CNTN4: variants seen among roughly 807,000 people sequenced by gnomAD.
The protein encoded by CNTN4 is contactin 4.
CNTN4 carries 77 observed loss-of-function variants against 122.5 expected under a neutral mutation model. The ratio of observed to expected loss-of-function variants is 0.63; its 90% CI spans 0.52 to 0.76. The LOEUF (loss-of-function observed/expected upper bound fraction) is 0.76, where lower values mean the gene tolerates loss of function less well. Ranked by LOEUF, CNTN4 falls within the 30% of genes least tolerant of loss-of-function variation. The pLI is 0.00. For missense variants in CNTN4, 1,256 were observed against 1,259.1 expected (o/e 1.00, Z 0.04); for synonymous variants, 512 against 447.0 (o/e 1.15, Z -1.83).
intron 2 of CNTN4, among the ~76,000 whole-genome samples, chr3:2,267,814 A>C (rs2041112870): frequency 6.6e-6 from 1 of 152,104 alleles, no homozygotes; most frequent in African/African-American, 2.4e-5. Context: ...ACCAAGAGTC[A>C]CAGGGAACTT....
intron 2 of CNTN4, among the ~76,000 whole-genome samples, chr3:2,126,059 C>T (rs1412206683): frequency 6.6e-6 from 1 of 152,116 alleles, no homozygotes; most frequent in Non-Finnish European, 1.5e-5. Context: ...GTCTTCATTG[C>T]AAGCATCCAT....
intron 6 of CNTN4, among the ~76,000 whole-genome samples, chr3:2,763,897 G>A (rs1262310922): frequency 6.6e-6 from 1 of 151,332 alleles, no homozygotes; most frequent in Non-Finnish European, 1.5e-5. Flanking sequence ...CTATAGTATA[G>A]TTTGAAGTTG....
chr3:2,730,681 T>C (rs1208565996), intron 4 of CNTN4, among the ~76,000 whole-genome samples: 1 of 152,200 alleles, frequency 6.6e-6, no homozygotes, highest in East Asian at 1.9e-4. Flanking sequence ...GACCTTTCCC[T>C]TGGAATCCAG....
At chr3:2,834,296 G>A in intron 7 of CNTN4, among the ~76,000 whole-genome samples, 1 of 152,168 alleles carries the variant, frequency 6.6e-6, no homozygotes, top group Middle Eastern at 3.2e-3. Flanking sequence ...CAGGCATAGT[G>A]GCTCACGCCT....
intron 5 of CNTN4, among the ~76,000 whole-genome samples, chr3:2,738,467 G>A (rs958669015): frequency 2.6e-5 from 4 of 152,090 alleles, no homozygotes; most frequent in African/African-American, 9.7e-5. Flanking sequence ...CTCACTAAAG[G>A]AAATTTTAAA....
intron 4 of CNTN4, among the ~76,000 whole-genome samples, chr3:2,670,617 C>T (rs902406705): frequency 7.2e-5 from 11 of 151,990 alleles, no homozygotes; most frequent in Non-Finnish European, 7.4e-5. Context: ...TTGTTATGTG[C>T]GAATTTGATC....
intron 2 of CNTN4, among the ~76,000 whole-genome samples, chr3:2,138,109 C>G (rs2125317848): frequency 6.7e-6 from 1 of 148,590 alleles, no homozygotes; most frequent in African/African-American, 2.5e-5. Context: ...CTCTGTTGCT[C>G]AGGCTGAAGT....
chr3:2,760,808 G>GT (rs1205702604), intron 6 of CNTN4, among the ~76,000 whole-genome samples: 1 of 152,090 alleles, frequency 6.6e-6, no homozygotes, highest in African/African-American at 2.4e-5. Flanking sequence ...CTAATCCACT[G>GT]TTTCCCCAAA....
At chr3:2,611,618 C>G (rs2600304) in intron 4 of CNTN4, among the ~76,000 whole-genome samples, 103,981 of 152,000 alleles carry the variant, frequency 0.68, 36,351 homozygotes, top group African/African-American at 0.74. Flanking sequence ...GGGTTACCTG[C>G]TGTCCACCTA....
At position 2,174,292 on chromosome 3, in the gene CNTN4, TC is replaced by T. The variant is rs368148889; in HGVS notation, c.-145+73654del. ...AGGTGTATAAGAAAACTAAGCCATT[TC>T]TTTTCTTATAAATATGCATACATGT... is the stretch of plus-strand genomic sequence containing the variant. On this transcript the variant is annotated intron_variant, in intron 2 of 24. Coordinates refer to ENST00000418658, the MANE Select transcript of CNTN4 (RefSeq NM_175607.3). 2.8e-3 allele frequency among the ~76,000 whole-genome samples: 428 copies of T among 152,304 alleles called. 1 individual carries two copies. The highest frequency in any genetic ancestry group is 9.9e-3 in the African/African-American group (410 of 41,570).
chr3:2,582,425 T>C (rs1005250161), intron 4 of CNTN4, among the ~76,000 whole-genome samples: 2 of 152,102 alleles, frequency 1.3e-5, no homozygotes, highest in African/African-American at 2.4e-5. Flanking sequence ...ACTCCTCCGT[T>C]ATGGAGCTTC....
intron 3 of CNTN4, among the ~76,000 whole-genome samples, chr3:2,383,335 T>G (rs1354967629): frequency 6.6e-6 from 1 of 152,046 alleles, no homozygotes; most frequent in Non-Finnish European, 1.5e-5. Flanking sequence ...CCATTTATAG[T>G]GATGATGATG....
chr3:2,373,951 CT>C (rs1229432196), intron 3 of CNTN4, among the ~76,000 whole-genome samples: 1 of 152,112 alleles, frequency 6.6e-6, no homozygotes, highest in Non-Finnish European at 1.5e-5. Flanking sequence ...CAAAAATCAT[CT>C]TTTTTGGGGG....
intron 2 of CNTN4, among the ~76,000 whole-genome samples, chr3:2,277,500 T>G (rs573734515): frequency 6.6e-6 from 1 of 152,262 alleles, no homozygotes; most frequent in African/African-American, 2.4e-5. Context: ...AACATTTTCT[T>G]TTCTTACCAT....
At chr3:2,400,312 C>G (rs1396281374) in intron 3 of CNTN4, among the ~76,000 whole-genome samples, 2 of 149,300 alleles carry the variant, frequency 1.3e-5, no homozygotes, top group Non-Finnish European at 3.0e-5. Context: ...TGTACACACA[C>G]AAACATACAC....
intron 2 of CNTN4, among the ~76,000 whole-genome samples, chr3:2,333,164 C>G (rs1415539457): frequency 6.6e-6 from 1 of 152,218 alleles, no homozygotes; most frequent in African/African-American, 2.4e-5. Flanking sequence ...ATTCCCACTG[C>G]TGTTCTCAAT....
intron 6 of CNTN4, among the ~76,000 whole-genome samples, chr3:2,801,404 A>C (rs2092343247): frequency 6.6e-6 from 1 of 152,238 alleles, no homozygotes; most frequent in Non-Finnish European, 1.5e-5. Flanking sequence ...AAAATATTCC[A>C]ATTAACACTA....
rs931918572 is a variant in CNTN4, at chr3:2,162,871, T to C, written c.-145+62232T>C. On this transcript the variant is annotated intron_variant, in intron 2 of 24. Coordinates refer to ENST00000418658, the MANE Select transcript of CNTN4 (RefSeq NM_175607.3). ...CAGCACTTTGGGAGGCAGAGGCGGG[T>C]GGGTGGCTTGAGTCCAGGAGTTTGT... Among the ~76,000 whole-genome samples the C allele has an allele frequency of 4.0e-5, 6 of 151,322 alleles. No individual in the cohort carries two copies. The East Asian group carries it at 1.2e-3, about 29-fold the overall frequency.
intron 8 of CNTN4, among the ~76,000 whole-genome samples, chr3:2,868,845 GT>G (rs1238247246): frequency 1.3e-5 from 2 of 152,088 alleles, no homozygotes; most frequent in Non-Finnish European, 1.5e-5. Flanking sequence ...TCTGTGGTGG[GT>G]TTGGGGGGTG....
Sources: gnomAD v4.1 joint callset for allele counts (sites outside exome capture counted in the v4.1 genomes callset) on GRCh38, gnomAD v4.1.1 for gene constraint, MANE v1.5 for transcripts, NCBI Gene and HGNC (gene_info 2026-07-23, HGNC 2026-07-21) for gene names.